ODAD2: variants seen among roughly 807,000 people sequenced by gnomAD.
ODAD2 encodes outer dynein arm-docking complex subunit 2.
Under a neutral mutation model 106.8 loss-of-function variants are expected in ODAD2, and 89 were observed. The observed-to-expected ratio is 0.83, with a 90% CI of 0.70 to 0.99. The LOEUF (loss-of-function observed/expected upper bound fraction) is 0.99. Ranked by LOEUF, ODAD2 falls within the 50% of genes least tolerant of loss-of-function variation. The probability of loss-of-function intolerance (pLI) is 0.00; values close to 1 mark genes in which losing one functional copy is unlikely to be tolerated. For missense variants in ODAD2, 1,168 were observed against 1,238.5 expected (o/e 0.94, Z 0.85); for synonymous variants, 404 against 436.2 (o/e 0.93, Z 0.92).
chr10:27,906,381 G>T (rs950526125), intron 17 of ODAD2, among the ~76,000 whole-genome samples: 2 of 152,182 alleles, frequency 1.3e-5, no homozygotes, highest in Non-Finnish European at 2.9e-5. Flanking sequence ...GAGAGGATGT[G>T]GAGAAATAGG....
At chr10:27,901,570 C>G (rs2368271) in intron 17 of ODAD2, among the ~76,000 whole-genome samples, 100,832 of 152,050 alleles carry the variant, frequency 0.66, 33,770 homozygotes, top group Middle Eastern at 0.74. Flanking sequence ...GGAGACCCAT[C>G]TTACGTGCAA....
Position 27,971,272 on chromosome 10 carries a change from C to A in ODAD2, c.978G>T (p.Gln326His), listed in dbSNP as rs769554961. The A allele has an allele frequency of 6.8e-6, 11 of 1,612,932 alleles. No individual in the cohort carries two copies. The highest frequency in any genetic ancestry group is 1.3e-5 in the African/African-American group (1 of 74,850). ...CTTCCTTCTTGGGGGCTTTGCCAAG[C>A]TGATCCTTTTCCTTTTGCTGGTCTT... ...FSEDQQKEKD[Q>H]LGKAPKKEEA... is the part of the protein sequence containing the mutation. The change falls in exon 8 of 20, where the codon CAG (glutamine) becomes CAT (histidine). Residue 326 changes from glutamine (Q) to histidine (H), a missense_variant. Coordinates refer to ENST00000305242, the MANE Select transcript of ODAD2 (RefSeq NM_018076.5).
intron 9 of ODAD2, among the ~76,000 whole-genome samples, chr10:27,965,605 C>A (rs1232805846): frequency 1.3e-5 from 2 of 152,086 alleles, no homozygotes; most frequent in Non-Finnish European, 2.9e-5. Flanking sequence ...ACCCAGGAAT[C>A]CAGCCTGCCA....
At chr10:27,935,702 T>TTAA (rs1554814277) in intron 15 of ODAD2, among the ~76,000 whole-genome samples, 1 of 146,416 alleles carries the variant, frequency 6.8e-6, no homozygotes, top group Non-Finnish European at 1.5e-5. Context: ...GCTACTTGGA[T>TTAA]AAAAAAAAAA....
At chr10:27,923,892 T>C (rs1261638785) in intron 16 of ODAD2, among the ~76,000 whole-genome samples, 3 of 148,994 alleles carry the variant, frequency 2.0e-5, no homozygotes, top group African/African-American at 7.4e-5. Context: ...AAGGCTGCAG[T>C]AAGCTATGAT....
intron 17 of ODAD2, among the ~76,000 whole-genome samples, chr10:27,882,025 T>A (rs1200712111): frequency 6.6e-6 from 1 of 151,810 alleles, no homozygotes; most frequent in East Asian, 1.9e-4. Flanking sequence ...AAACACTAGC[T>A]GGGCATGGTG....
intron 19 of ODAD2, 113 bp from the exon 20 acceptor site, chr10:27,812,738 A>G: frequency 1.4e-6 from 2 of 1,379,316 alleles, no homozygotes; most frequent in Non-Finnish European, 1.9e-6. Context: ...AAAACCACCA[A>G]AAAAGCATAA....
chr10:27,828,760 G>GTTCCT, intron 19 of ODAD2, among the ~76,000 whole-genome samples: 3 of 151,930 alleles, frequency 2.0e-5, no homozygotes, highest in Non-Finnish European at 4.4e-5. Flanking sequence ...GAAATGCTAA[G>GTTCCT]AATTTGTGTA....
Position 27,939,954 on chromosome 10 carries a change from C to T in ODAD2, c.2040G>A (p.Lys680=). 4 of 1,611,272 alleles carry T rather than the reference C, an allele frequency of 2.5e-6. No individual in the cohort carries two copies. Among genetic ancestry groups the T allele is most frequent in the Non-Finnish European group, 3.4e-6 (4 of 1,178,880 alleles). ...KAERIIENLV[K]NLNSENEQLQ... is the part of the protein sequence containing the mutation. Reference sequence around the variant, plus strand: ...GCTGCTCATTCTCACTATTTAGGTTCTTGACAAGGTTTTCAATGATCCTTT... The same window carrying T: ...GCTGCTCATTCTCACTATTTAGGTTTTTGACAAGGTTTTCAATGATCCTTT... The change falls in exon 14 of 20, where the codon AAG becomes AAA. Residue 680 remains lysine, a synonymous_variant. Transcript: ENST00000305242.
intron 7 of ODAD2, among the ~76,000 whole-genome samples, chr10:27,977,995 T>A (rs984845252): frequency 6.6e-6 from 1 of 152,248 alleles, no homozygotes. Context: ...AACTACCATA[T>A]GATCTTACCA....
chr10:27,937,136 C>T (rs546608064), intron 14 of ODAD2, among the ~76,000 whole-genome samples: 18 of 152,194 alleles, frequency 1.2e-4, no homozygotes, highest in African/African-American at 4.1e-4. Flanking sequence ...TTTGAGATAG[C>T]CTAGGCATCT....
At chr10:27,828,419 ATTACGGAGGAT>A (rs1837231939) in intron 19 of ODAD2, among the ~76,000 whole-genome samples, 1 of 152,332 alleles carries the variant, frequency 6.6e-6, no homozygotes, top group Admixed American at 6.5e-5. Flanking sequence ...TGAGATCACC[ATTACGGAGGAT>A]GGGAAAGGCC....
At chr10:27,943,424 T>C (rs1015891840) in intron 12 of ODAD2, among the ~76,000 whole-genome samples, 136 of 152,126 alleles carry the variant, frequency 8.9e-4, no homozygotes, top group Non-Finnish European at 7.4e-5. Flanking sequence ...GGATCATAGA[T>C]AACAGTTTTT....
intron 9 of ODAD2, among the ~76,000 whole-genome samples, chr10:27,964,853 T>C (rs1330701503): frequency 6.6e-6 from 1 of 152,190 alleles, no homozygotes; most frequent in Non-Finnish European, 1.5e-5. Flanking sequence ...CTGTCTCCCC[T>C]AGCACAAGGA....
intron 19 of ODAD2, among the ~76,000 whole-genome samples, chr10:27,830,663 T>G (rs575622718): frequency 6.6e-6 from 1 of 152,348 alleles, no homozygotes; most frequent in South Asian, 2.1e-4. Context: ...ATAATTTTTA[T>G]GTTATACTGA....
intron 17 of ODAD2, among the ~76,000 whole-genome samples, chr10:27,873,469 TCCTGCTTTC>T (rs1841072413): frequency 7.2e-6 from 1 of 138,228 alleles, no homozygotes; most frequent in Non-Finnish European, 1.6e-5. Flanking sequence ...TTTAGATCTT[TCCTGCTTTC>T]TCTTGTGGGC....
At chr10:27,869,093 A>C (rs1840666179) in intron 17 of ODAD2, among the ~76,000 whole-genome samples, 1 of 152,026 alleles carries the variant, frequency 6.6e-6, no homozygotes, top group Non-Finnish European at 1.5e-5. Flanking sequence ...TTTAAAAGAC[A>C]GATGAAAGAT....
chr10:27,963,815 C>G (rs949135059), intron 9 of ODAD2, among the ~76,000 whole-genome samples: 13 of 151,962 alleles, frequency 8.6e-5, no homozygotes, highest in African/African-American at 3.1e-4. Context: ...TTTAGACCCC[C>G]ATGCATTTGG....
chr10:27,854,755 C>A (rs1288464713), intron 19 of ODAD2, among the ~76,000 whole-genome samples: 2 of 151,614 alleles, frequency 1.3e-5, no homozygotes, highest in Non-Finnish European at 2.9e-5. Flanking sequence ...GATTCTGTCA[C>A]AAAACAAAAC....
Sources: gnomAD v4.1 joint callset for allele counts (sites outside exome capture counted in the v4.1 genomes callset) on GRCh38, gnomAD v4.1.1 for gene constraint, MANE v1.5 for transcripts, NCBI Gene and HGNC (gene_info 2026-07-23, HGNC 2026-07-21) for gene names.